The following MKRN2OS variants were observed in gnomAD, a reference collection of about 807,000 sequenced individuals.
MKRN2OS encodes the protein MKRN2 opposite strand protein.
A neutral mutation model predicts 18.2 loss-of-function variants in MKRN2OS; 17 were observed. The ratio of observed to expected loss-of-function variants is 0.93; its 90% CI spans 0.64 to 1.40. MKRN2OS has a LOEUF of 1.40. Among genes scored for constraint, MKRN2OS ranks in the 40% most tolerant of loss-of-function variants. The probability of loss-of-function intolerance (pLI) is 0.00; values close to 1 mark genes in which losing one functional copy is unlikely to be tolerated. For missense variants in MKRN2OS, 337 were observed against 283.0 expected (o/e 1.19, Z -1.37); for synonymous variants, 121 against 108.5 (o/e 1.12, Z -0.72).
At position 12,559,031 on chromosome 3, in the gene MKRN2OS, G is replaced by A. The variant is rs1045333396; in HGVS notation, n.264+1726C>T. 3.8e-4 allele frequency among the ~76,000 whole-genome samples: 58 copies of A among 152,222 alleles called. 1 individual carries two copies. Among genetic ancestry groups the A allele is most frequent in the African/African-American group, 7.7e-4 (32 of 41,532 alleles). ...ACTGTAGGGCCTCCAGATAAGTTTTGAAATGCTAAATTAAAATTTATTTAT... is the reference window on the plus strand; with the variant it reads ...ACTGTAGGGCCTCCAGATAAGTTTTAAAATGCTAAATTAAAATTTATTTAT... On this transcript the variant is annotated intron_variant and non_coding_transcript_variant, in intron 1 of 1. Coordinates refer to the MKRN2OS transcript ENST00000447550.
At chr3:12,559,676 T>C (rs2058019986) in intron 1 of MKRN2OS, among the ~76,000 whole-genome samples, 2 of 152,246 alleles carry the variant, frequency 1.3e-5, no homozygotes, top group South Asian at 4.1e-4. Flanking sequence ...CGTACAGTTA[T>C]GCTGTCAGTC....
chr3:12,546,909 G>A (rs542250518), upstream of MKRN2OS, among the ~76,000 whole-genome samples: 1 of 152,254 alleles, frequency 6.6e-6, no homozygotes, highest in East Asian at 1.9e-4. Flanking sequence ...GGCATACAAT[G>A]TGCAATAATC....
rs1445219495 is a variant in MKRN2OS at position 12,545,340 on chromosome 3, TC to T, written c.124del (p.Glu42ArgfsTer44). The T allele has an allele frequency of 1.3e-6, 2 of 1,536,146 alleles. No homozygotes were observed. Among genetic ancestry groups the T allele is most frequent in the Non-Finnish European group, 1.7e-6 (2 of 1,146,906 alleles). On this transcript the variant is annotated frameshift_variant, in exon 1 of 4. Transcript: ENST00000564146. LOFTEE classifies it high-confidence loss of function. ...CQQDLGSRKL[E>X]DAPVSIANPF... ...ATTAGCGATGCTAACAGGTGCGTCC[TC>T]CAGCTTCCTCGAGCCCAGGTCCTGC...
At chr3:12,544,136 A>G (rs1052492891) in intron 1 of MKRN2OS, among the ~76,000 whole-genome samples, 15 of 152,150 alleles carry the variant, frequency 9.9e-5, no homozygotes, top group African/African-American at 3.6e-4. Flanking sequence ...AGGGACCAGA[A>G]GGAAATTAAG....
downstream of MKRN2OS, among the ~76,000 whole-genome samples, chr3:12,553,538 G>T (rs1382887194): frequency 6.6e-6 from 1 of 151,390 alleles, no homozygotes; most frequent in African/African-American, 2.4e-5. Context: ...AAAAATCTAG[G>T]GCTAACATTT....
chr3:12,543,979 T>C (rs1235881624), intron 1 of MKRN2OS, among the ~76,000 whole-genome samples: 2 of 152,044 alleles, frequency 1.3e-5, no homozygotes, highest in Admixed American at 1.3e-4. Context: ...AGAACCAGGA[T>C]AGGAATCAGG....
chr3:12,542,305 A>G (rs71306012), intron 2 of MKRN2OS, among the ~76,000 whole-genome samples: 1 of 152,204 alleles, frequency 6.6e-6, no homozygotes, highest in Non-Finnish European at 1.5e-5. Context: ...GGAAACAGAG[A>G]CAATGATAGG....
In MKRN2OS at chr3:12,539,781, A is replaced by G. The variant is rs1303447327; in HGVS notation, c.*412T>C. Among the ~76,000 whole-genome samples the G allele has an allele frequency of 6.6e-6, 1 of 151,858 alleles. No homozygotes were observed. The highest frequency in any genetic ancestry group is 1.5e-5 in the Non-Finnish European group (1 of 67,960). The stretch of plus-strand genomic sequence containing the variant: ...TTGAAGGAAAGCCATACACGTTTTT[A>G]TTTTTTATTTTTTATTTTTTTGAGA... On this transcript the variant is annotated 3_prime_UTR_variant, in exon 4 of 4. Coordinates refer to ENST00000564146, the MANE Select transcript of MKRN2OS (RefSeq NM_001195279.2).
chr3:12,542,069 CCT>C (rs2057822528), intron 2 of MKRN2OS, 47 bp from the exon 3 acceptor site: 9 of 1,495,544 alleles, frequency 6.0e-6, no homozygotes, highest in African/African-American at 1.4e-5. Context: ...GAAACACACA[CCT>C]CTGTGAAAAA....
chr3:12,556,313 T>C (rs1343279598), intron 1 of MKRN2OS, among the ~76,000 whole-genome samples: 2 of 151,604 alleles, frequency 1.3e-5, no homozygotes, highest in Non-Finnish European at 2.9e-5. Context: ...ATCGCCCCAC[T>C]GCACTCCAGC....
chr3:12,555,045 C>A (rs2057956490), intron 1 of MKRN2OS, among the ~76,000 whole-genome samples: 1 of 152,202 alleles, frequency 6.6e-6, no homozygotes, highest in African/African-American at 2.4e-5. Context: ...CGCGGTGGCT[C>A]TCGCCCGTAA....
At chr3:12,543,070 C>A in intron 2 of MKRN2OS, 110 bp downstream of exon 2, 1 of 874,566 alleles carries the variant, frequency 1.1e-6, no homozygotes, top group Non-Finnish European at 1.8e-6. Context: ...TACAAGAACC[C>A]AGTGAACAAT....
At chr3:12,555,577 G>A (rs923238586) in intron 1 of MKRN2OS, among the ~76,000 whole-genome samples, 8 of 152,174 alleles carry the variant, frequency 5.3e-5, no homozygotes, top group African/African-American at 1.7e-4. Context: ...CAGATAAAAT[G>A]TTGGTCAAAA....
At chr3:12,553,479 C>T (rs892658203), downstream of MKRN2OS, among the ~76,000 whole-genome samples, 1 of 151,352 alleles carries the variant, frequency 6.6e-6, no homozygotes, top group Non-Finnish European at 1.5e-5. Context: ...GGTAAAAATG[C>T]TAATAAAACT....
At chr3:12,557,131 G>A (rs1303275701) in intron 1 of MKRN2OS, 4 of 1,493,040 alleles carry the variant, frequency 2.7e-6, no homozygotes, top group African/African-American at 2.9e-5. Context: ...GCACGACGAC[G>A]GTCCCTCAGC....
rs188406364 is a variant in MKRN2OS, at chr3:12,539,842, A to G, written c.*351T>C. The G allele has an allele frequency of 7.0e-5, 17 of 244,146 alleles. No individual in the cohort carries two copies. Among genetic ancestry groups the G allele is most frequent in the Non-Finnish European group, 1.1e-4 (14 of 122,224 alleles). 15.1% of individuals were successfully genotyped at this position (244,146 alleles called of 1,614,324 possible). A position where few individuals can be genotyped will look rare whatever the true frequency, so the allele number is the denominator to read the frequency against. On this transcript the variant is annotated 3_prime_UTR_variant, in exon 4 of 4. Coordinates refer to ENST00000564146, the MANE Select transcript of MKRN2OS (RefSeq NM_001195279.2). ...CTCTTGTTGCCCAGGCTGGAGTGCA[A>G]TGGCACGATCTCAACTCATCCCAAC... is the stretch of plus-strand genomic sequence containing the variant.
chr3:12,544,739 G>C (rs945228372), intron 1 of MKRN2OS, among the ~76,000 whole-genome samples: 1 of 151,810 alleles, frequency 6.6e-6, no homozygotes, highest in Non-Finnish European at 1.5e-5. Flanking sequence ...TTTTGTTTAT[G>C]CTAGCGCTCT....
At chr3:12,553,323 G>C (rs2057943201), downstream of MKRN2OS, among the ~76,000 whole-genome samples, 1 of 152,082 alleles carries the variant, frequency 6.6e-6, no homozygotes, top group Admixed American at 6.5e-5. Flanking sequence ...TCATGGCCAT[G>C]TGGGGTTTAT....
chr3:12,543,320 C>A, intron 1 of MKRN2OS, 91 bp from the exon 2 acceptor site: 1 of 1,082,978 alleles, frequency 9.2e-7, no homozygotes. Context: ...AGCACAGTGG[C>A]TTAGACCTGT....
Sources: allele counts gnomAD v4.1 joint callset (sites outside exome capture counted in the v4.1 genomes callset), GRCh38; gene constraint gnomAD v4.1.1; transcripts MANE v1.5; gene names NCBI Gene and HGNC (gene_info 2026-07-23, HGNC 2026-07-21).